The following KHDRBS2 variants were observed in gnomAD, a reference collection of about 807,000 sequenced individuals.
KHDRBS2 encodes the protein KH domain-containing, RNA-binding, signal transduction-associated protein 2.
In KHDRBS2, 26 loss-of-function variants were observed where a neutral mutation model predicts 44.3. The observed-to-expected ratio is 0.59, with a 90% CI of 0.43 to 0.81. The LOEUF is 0.81. Ranked by LOEUF, KHDRBS2 falls within the 40% of genes least tolerant of loss-of-function variation. The pLI is 0.00. For synonymous variants in KHDRBS2, 194 were observed against 151.1 expected (o/e 1.28, Z -2.08); for missense variants, 476 against 433.1 (o/e 1.10, Z -0.88).
chr6:62,142,195 T>G (rs545602291), intron 2 of KHDRBS2, among the ~76,000 whole-genome samples: 7 of 152,176 alleles, frequency 4.6e-5, no homozygotes, highest in Non-Finnish European at 8.8e-5. Flanking sequence ...TAAACTGTAG[T>G]GAGGTTCCTG....
intron 2 of KHDRBS2, among the ~76,000 whole-genome samples, chr6:62,065,994 G>T (rs996051534): frequency 6.6e-6 from 1 of 151,384 alleles, no homozygotes; most frequent in Non-Finnish European, 1.5e-5. Flanking sequence ...AGAGCCTTTG[G>T]TCATGTTTTA....
intron 6 of KHDRBS2, among the ~76,000 whole-genome samples, chr6:61,778,221 T>A (rs1782398058): frequency 6.6e-6 from 1 of 152,202 alleles, no homozygotes; most frequent in Non-Finnish European, 1.5e-5. Context: ...CCAAGAGTCA[T>A]GAGGATTCGT....
chr6:61,977,476 T>C (rs1252140390), intron 4 of KHDRBS2, among the ~76,000 whole-genome samples: 1 of 152,174 alleles, frequency 6.6e-6, no homozygotes, highest in South Asian at 2.1e-4. Flanking sequence ...CATTCTCTGT[T>C]GCCCTCACAT....
At chr6:62,070,006 G>A (rs1370338731) in intron 2 of KHDRBS2, among the ~76,000 whole-genome samples, 3 of 151,270 alleles carry the variant, frequency 2.0e-5, no homozygotes, top group Admixed American at 6.6e-5. Flanking sequence ...TTGTTTTTGT[G>A]TCTTACCATG....
chr6:62,039,056 A>G (rs1000125842), intron 3 of KHDRBS2, among the ~76,000 whole-genome samples: 4 of 152,074 alleles, frequency 2.6e-5, no homozygotes, highest in Non-Finnish European at 4.4e-5. Context: ...CTGAATTTGT[A>G]GGCAAAGCAA....
At chr6:62,207,982 T>C (rs577265558) in intron 1 of KHDRBS2, among the ~76,000 whole-genome samples, 10 of 152,168 alleles carry the variant, frequency 6.6e-5, no homozygotes, top group Non-Finnish European at 1.0e-4. Flanking sequence ...ATTAGATCTC[T>C]AAATGTGTTC....
chr6:61,637,841 A>G, the KHDRBS2 span, among the ~76,000 whole-genome samples: 1 of 152,050 alleles, frequency 6.6e-6, no homozygotes, highest in Non-Finnish European at 1.5e-5. Flanking sequence ...TCTTTTGAGA[A>G]GTGTCTGTTC....
chr6:61,896,231 T>C (rs1802913331), intron 5 of KHDRBS2, among the ~76,000 whole-genome samples: 1 of 152,174 alleles, frequency 6.6e-6, no homozygotes, highest in Non-Finnish European at 1.5e-5. Flanking sequence ...ATAACTGTTG[T>C]CCTAGCTTCC....
At chr6:61,662,018 C>A in the KHDRBS2 span, among the ~76,000 whole-genome samples, 2 of 151,960 alleles carry the variant, frequency 1.3e-5, no homozygotes, top group Admixed American at 1.3e-4. Flanking sequence ...CTACAGTAAC[C>A]AAAACAGCAT....
chr6:62,017,034 AT>A (rs1232170470), intron 3 of KHDRBS2, among the ~76,000 whole-genome samples: 2 of 152,198 alleles, frequency 1.3e-5, no homozygotes, highest in African/African-American at 4.8e-5. Context: ...TTTTAATTAA[AT>A]AAATTTTTTC....
intron 3 of KHDRBS2, among the ~76,000 whole-genome samples, chr6:62,037,964 A>G (rs1447959395): frequency 6.6e-6 from 1 of 152,050 alleles, no homozygotes; most frequent in Non-Finnish European, 1.5e-5. Flanking sequence ...GGTGTTAGTG[A>G]TTTCTAATAT....
intron 4 of KHDRBS2, among the ~76,000 whole-genome samples, chr6:61,955,971 C>T (rs1304815662): frequency 1.3e-5 from 2 of 152,026 alleles, no homozygotes; most frequent in Non-Finnish European, 2.9e-5. Flanking sequence ...AGAAGTCTAG[C>T]TATAGATCTC....
chr6:62,108,115 G>T (rs1803953035), intron 2 of KHDRBS2, among the ~76,000 whole-genome samples: 1 of 152,076 alleles, frequency 6.6e-6, no homozygotes, highest in Non-Finnish European at 1.5e-5. Context: ...AAACTAAAGA[G>T]CTTCTGCACA....
intron 7 of KHDRBS2, among the ~76,000 whole-genome samples, chr6:61,698,223 A>G (rs1204130): frequency 0.61 from 92,417 of 151,970 alleles, 29,518 homozygotes; most frequent in Non-Finnish European, 0.7. Flanking sequence ...CTCCTCTTTC[A>G]TGGGTCTTCA....
intron 2 of KHDRBS2, among the ~76,000 whole-genome samples, chr6:62,050,747 G>A (rs1788834564): frequency 6.6e-6 from 1 of 151,938 alleles, no homozygotes; most frequent in Non-Finnish European, 1.5e-5. Context: ...TATTTATAAA[G>A]TTAAACTTAC....
At chr6:61,902,574 A>G (rs900249874) in intron 4 of KHDRBS2, among the ~76,000 whole-genome samples, 15 of 152,108 alleles carry the variant, frequency 9.9e-5, no homozygotes, top group African/African-American at 3.6e-4. Flanking sequence ...GTAACTGGTT[A>G]TTTGTGCCAA....
chr6:62,105,245 G>A (rs189186195), intron 2 of KHDRBS2, among the ~76,000 whole-genome samples: 335 of 152,282 alleles, frequency 2.2e-3, no homozygotes, highest in Non-Finnish European at 2.0e-3. Flanking sequence ...AAAAGTTGAA[G>A]TAGGGCAAGA....
chr6:61,826,405 G>A lies in KHDRBS2; in HGVS notation c.810+68230C>T, dbSNP rs542870345. 1.7e-4 allele frequency among the ~76,000 whole-genome samples: 26 copies of A among 152,200 alleles called. No individual in the cohort carries two copies. The South Asian group carries it at 3.7e-3, about 22-fold the overall frequency. ...ATCTGCTCTCTTCTGATGGGCCAAGGTTTGACAGTGGCTCCTGTCTGATAG... is the reference window on the plus strand; with the variant it reads ...ATCTGCTCTCTTCTGATGGGCCAAGATTTGACAGTGGCTCCTGTCTGATAG... On this transcript the variant is annotated intron_variant, in intron 6 of 8. Transcript: ENST00000281156.
intron 6 of KHDRBS2, among the ~76,000 whole-genome samples, chr6:61,768,572 T>G (rs1780351106): frequency 6.6e-6 from 1 of 152,026 alleles, no homozygotes; most frequent in African/African-American, 2.4e-5. Flanking sequence ...GTCTCCCTGA[T>G]TGTGTATTTT....
Sources: gnomAD v4.1 joint callset for allele counts (sites outside exome capture counted in the v4.1 genomes callset) on GRCh38, gnomAD v4.1.1 for gene constraint, MANE v1.5 for transcripts, NCBI Gene and HGNC (gene_info 2026-07-23, HGNC 2026-07-21) for gene names.